The following PCLO variants were observed in gnomAD, a reference collection of about 807,000 sequenced individuals.
PCLO encodes piccolo presynaptic cytomatrix protein.
In PCLO, 82 loss-of-function variants were observed where a neutral mutation model predicts 427.5. The ratio of observed to expected loss-of-function variants is 0.19; its 90% CI spans 0.16 to 0.23. PCLO has a LOEUF of 0.23. Among genes scored for constraint, PCLO ranks in the 10% least tolerant of loss-of-function variants. The pLI is 1.00. For missense variants in PCLO, 6,239 were observed against 6,115.9 expected (o/e 1.02, Z -0.67); for synonymous variants, 2,357 against 2,155.4 (o/e 1.09, Z -2.59).
intron 3 of PCLO, among the ~76,000 whole-genome samples, chr7:83,026,448 C>G (rs1788499989): frequency 6.6e-6 from 1 of 152,136 alleles, no homozygotes; most frequent in Non-Finnish European, 1.5e-5. Flanking sequence ...GACCCAGATT[C>G]ATAAAGCAAG....
intron 6 of PCLO, among the ~76,000 whole-genome samples, chr7:82,925,713 CTTTTTTTTTTTTTT>C (rs34017885): frequency 1.3e-5 from 1 of 78,986 alleles, no homozygotes; most frequent in African/African-American, 4.8e-5. Context: ...ATTTTTGTTG[CTTTTTTTTTTTTTT>C]TTTTTTTTTT....
rs376402885 is a variant in PCLO at position 82,966,251 on chromosome 7, T to C, written c.3537A>G (p.Thr1179=). 32 of 1,611,846 alleles carry C rather than the reference T, an allele frequency of 2.0e-5. No individual in the cohort carries two copies. In the African/African-American group the frequency reaches 3.6e-4, roughly 18 times the overall value. ...EKVILEKVKE[T]LSMEKIPPMV... is the part of the protein sequence containing the mutation. ...TAGGAGGAATTTTTTCCATTGATAG[T>C]GTTTCCTTTACTTTTTCCAGAATGA... Residue 1179 remains threonine (T), a synonymous_variant, in exon 4 of 25, where the codon ACA becomes ACG. Transcript: ENST00000333891.
At chr7:82,920,536 G>GA (rs1304506855) in intron 6 of PCLO, among the ~76,000 whole-genome samples, 2 of 151,692 alleles carry the variant, frequency 1.3e-5, no homozygotes, top group Non-Finnish European at 3.0e-5. Flanking sequence ...AGAAAGACTG[G>GA]AAAAAAATCA....
rs1791439698 is a variant in PCLO at position 82,805,558 on chromosome 7, A to T, written c.14933+130T>A. 3.3e-5 allele frequency: 25 copies of T among 767,586 alleles called. No homozygotes were observed. The South Asian group carries it at 4.6e-4, about 14-fold the overall frequency. The allele number at this position is 767,586 out of a possible 1,614,324, so 47.5% of individuals were successfully genotyped here. A position where few individuals can be genotyped will look rare whatever the true frequency, so the allele number is the denominator to read the frequency against. ...AACTATCTATTTTTACATAGGCATT[A>T]ACAGTTCAAGTGTCTCAGGGACAAT... On this transcript the variant is annotated intron_variant, in intron 21 of 24. Coordinates refer to ENST00000333891, the MANE Select transcript of PCLO (RefSeq NM_033026.6).
intron 3 of PCLO, among the ~76,000 whole-genome samples, chr7:83,093,030 T>C (rs190014468): frequency 2.1e-3 from 326 of 152,000 alleles, no homozygotes; most frequent in African/African-American, 7.5e-3. Flanking sequence ...AAATATTATG[T>C]CTACTGAATT....
intron 3 of PCLO, among the ~76,000 whole-genome samples, chr7:83,068,517 G>GT (rs1242892886): frequency 1.3e-5 from 2 of 152,082 alleles, no homozygotes; most frequent in African/African-American, 4.8e-5. Flanking sequence ...TGACCAACAG[G>GT]TATGTGAAAA....
Position 83,023,705 on chromosome 7 carries a change from G to A in PCLO, c.3301-57218C>T, listed in dbSNP as rs565807825. ...TGTCTTGTATGGGTGCCATGAGTAC[G>A]GAAAGCTTACGATTGTTTCAGATAA... On this transcript the variant is annotated intron_variant, in intron 3 of 24. Transcript: ENST00000333891. Among the ~76,000 whole-genome samples, 8 of 152,244 alleles carry A rather than the reference G, an allele frequency of 5.3e-5. No individual in the cohort carries two copies. In the East Asian group the frequency reaches 9.7e-4, roughly 18 times the overall value.
chr7:82,820,900 A>C (rs1413197758), intron 20 of PCLO: 1 of 1,230,368 alleles, frequency 8.1e-7, no homozygotes, highest in Non-Finnish European at 1.0e-6. Flanking sequence ...TGCCCAGTGC[A>C]TAGAAAAATA....
intron 3 of PCLO, among the ~76,000 whole-genome samples, chr7:83,010,528 ATATTT>A (rs1788051719): frequency 6.6e-6 from 1 of 151,284 alleles, no homozygotes; most frequent in Non-Finnish European, 1.5e-5. Context: ...ATATTGATTT[ATATTT>A]TATTTTATAT....
chr7:83,013,943 T>C (rs921528181), intron 3 of PCLO, among the ~76,000 whole-genome samples: 3 of 152,200 alleles, frequency 2.0e-5, no homozygotes, highest in South Asian at 2.1e-4. Context: ...CCTGTTTCCA[T>C]TGTAGAATAG....
intron 15 of PCLO, among the ~76,000 whole-genome samples, chr7:82,837,779 C>T (rs1206404571): frequency 6.6e-6 from 1 of 151,912 alleles, no homozygotes; most frequent in Non-Finnish European, 1.5e-5. Flanking sequence ...CAAGAAGCCA[C>T]TTAATCAACA....
At chr7:83,149,032 A>T (rs2116663924) in intron 2 of PCLO, among the ~76,000 whole-genome samples, 1 of 152,288 alleles carries the variant, frequency 6.6e-6, no homozygotes, top group Admixed American at 6.5e-5. Flanking sequence ...GGAGAGAAGC[A>T]TCACCTCCAC....
intron 20 of PCLO, chr7:82,821,382 C>T: frequency 1.0e-6 from 1 of 985,770 alleles, no homozygotes; most frequent in African/African-American, 1.7e-5. Flanking sequence ...CAGAAGTGCT[C>T]TTTTGCTCTA....
Position 83,096,991 on chromosome 7 carries a change from T to TATAATATA in PCLO, c.3300+37258_3300+37259insTATATTAT, listed in dbSNP as rs1315273559. ...AATATATTATATATTATATAAATAA[T>TATAATATA]ATATATTATATAAATAATATATATT... On this transcript the variant is annotated intron_variant, in intron 3 of 24. Transcript: ENST00000333891. 3.6e-4 allele frequency among the ~76,000 whole-genome samples: 12 copies of TATAATATA among 33,468 alleles called. 1 individual carries two copies. The African/African-American group carries it at 3.6e-3, about 10-fold the overall frequency. 22.0% of individuals were successfully genotyped at this position (33,468 alleles called of 152,430 possible).
chr7:82,952,351 T>G lies in PCLO; in HGVS notation c.8602A>C (p.Ile2868Leu), dbSNP rs371998195. The change falls in exon 5 of 25, where the codon ATT (isoleucine) becomes CTT (leucine). Residue 2868 changes from isoleucine (I) to leucine (L), a missense_variant. Physicochemically the swap from Ile to Leu is conservative, Grantham distance 5. Coordinates refer to ENST00000333891, the MANE Select transcript of PCLO (RefSeq NM_033026.6). ...GTPAHAVTLAITKPVTVPPVG... is the reference protein window; with the variant it reads ...GTPAHAVTLALTKPVTVPPVG... ...GGAGGCACAGTGACAGGTTTTGTAA[T>G]AGCCAATGTCACTGCATGTGCTGGA... 1 of 1,613,954 alleles carries G rather than the reference T, an allele frequency of 6.2e-7. No homozygotes were observed. Among genetic ancestry groups the G allele is most frequent in the South Asian group, 1.1e-5 (1 of 91,090 alleles).
At chr7:83,068,474 T>C (rs1789724010) in intron 3 of PCLO, among the ~76,000 whole-genome samples, 2 of 151,990 alleles carry the variant, frequency 1.3e-5, no homozygotes, top group African/African-American at 4.8e-5. Flanking sequence ...GCAAAGGACC[T>C]GAGTAGATAT....
intron 3 of PCLO, among the ~76,000 whole-genome samples, chr7:83,007,317 A>G (rs934798684): frequency 6.6e-6 from 1 of 151,596 alleles, no homozygotes; most frequent in African/African-American, 2.4e-5. Flanking sequence ...ATTATAAAAT[A>G]AGGTAAAACA....
intron 2 of PCLO, among the ~76,000 whole-genome samples, chr7:83,141,450 C>T (rs534001766): frequency 5.9e-5 from 9 of 152,190 alleles, no homozygotes; most frequent in Non-Finnish European, 1.3e-4. Flanking sequence ...GCTACTTAAA[C>T]TCAATTATCT....
intron 6 of PCLO, among the ~76,000 whole-genome samples, chr7:82,930,023 G>A (rs1167947979): frequency 6.6e-6 from 1 of 152,146 alleles, no homozygotes; most frequent in East Asian, 1.9e-4. Flanking sequence ...TGTTTTGCTA[G>A]GAACTTTAAC....
Sources: allele counts gnomAD v4.1 joint callset (sites outside exome capture counted in the v4.1 genomes callset), GRCh38; gene constraint gnomAD v4.1.1; transcripts MANE v1.5; gene names NCBI Gene and HGNC (gene_info 2026-07-23, HGNC 2026-07-21).